Variants in SLC24A2 observed in about 807,000 individuals in gnomAD.
SLC24A2 encodes the protein solute carrier family 24 member 2.
A neutral mutation model predicts 62.0 loss-of-function variants in SLC24A2; 36 were observed. The observed-to-expected ratio is 0.58, with a 90% CI of 0.44 to 0.77. SLC24A2 has a LOEUF of 0.77. Among genes scored for constraint, SLC24A2 ranks in the 30% least tolerant of loss-of-function variants. The probability of loss-of-function intolerance (pLI) is 0.00; values close to 1 mark genes in which losing one functional copy is unlikely to be tolerated. For missense variants in SLC24A2, 846 were observed against 817.9 expected, an observed-to-expected ratio of 1.03 and a Z score of -0.42; for synonymous variants, 358 against 294.0, an observed-to-expected ratio of 1.22 and a Z score of -2.23.
At chr9:19,974,751 A>G in the SLC24A2 span, among the ~76,000 whole-genome samples, 1 of 152,210 alleles carries the variant, frequency 6.6e-6, no homozygotes, top group East Asian at 1.9e-4. Context: ...GAGCACACAT[A>G]TTAACCAGCT....
At chr9:19,989,353 T>C in the SLC24A2 span, among the ~76,000 whole-genome samples, 3 of 152,022 alleles carry the variant, frequency 2.0e-5, no homozygotes, top group Non-Finnish European at 4.4e-5. Context: ...TGAGAATGAG[T>C]CGCTCTTAAC....
At chr9:19,544,976 T>G (rs139200892) in intron 8 of SLC24A2, among the ~76,000 whole-genome samples, 3 of 152,334 alleles carry the variant, frequency 2.0e-5, no homozygotes, top group Middle Eastern at 3.4e-3. Context: ...TTGGCCTGTC[T>G]TGCTAGGTTG....
At chr9:20,177,037 T>C in the SLC24A2 span, among the ~76,000 whole-genome samples, 1 of 152,142 alleles carries the variant, frequency 6.6e-6, no homozygotes, top group Non-Finnish European at 1.5e-5. Flanking sequence ...TTCACAGAAA[T>C]GTCTATTTTA....
intron 7 of SLC24A2, among the ~76,000 whole-genome samples, chr9:19,568,208 C>T (rs756803050): frequency 9.2e-5 from 14 of 152,182 alleles, no homozygotes; most frequent in African/African-American, 1.4e-4. Flanking sequence ...CTGATCATCC[C>T]GCGTTCACAT....
At position 19,533,506 on chromosome 9, in the gene SLC24A2, A is replaced by T. The variant is rs376737987; in HGVS notation, c.1480-5368T>A. The stretch of plus-strand genomic sequence containing the variant: ...GGAAGTGACAGCGTGCAAATTTCAA[A>T]CTAGATCTCAAGAGGGCTTTGTAGC... On this transcript the variant is annotated intron_variant, in intron 8 of 10. Coordinates refer to ENST00000341998, the MANE Select transcript of SLC24A2 (RefSeq NM_020344.4). 2.6e-5 allele frequency among the ~76,000 whole-genome samples: 4 copies of T among 152,324 alleles called. No individual in the cohort carries two copies. In the East Asian group the frequency reaches 5.8e-4, roughly 22 times the overall value.
intron 2 of SLC24A2, among the ~76,000 whole-genome samples, chr9:19,762,225 T>C (rs183969971): frequency 2.6e-5 from 4 of 152,350 alleles, no homozygotes; most frequent in Admixed American, 2.6e-4. Context: ...GTCAGATTAA[T>C]AGATGGCAAA....
At chr9:19,637,417 T>A (rs1261560427) in intron 2 of SLC24A2, among the ~76,000 whole-genome samples, 1 of 152,216 alleles carries the variant, frequency 6.6e-6, no homozygotes, top group Non-Finnish European at 1.5e-5. Flanking sequence ...ACTGTGTTTG[T>A]TCTAACTATT....
At chr9:20,022,759 C>A in the SLC24A2 span, among the ~76,000 whole-genome samples, 2 of 150,486 alleles carry the variant, frequency 1.3e-5, no homozygotes, top group African/African-American at 2.4e-5. Flanking sequence ...CAAACTGAAT[C>A]CTTTGCTATT....
the SLC24A2 span, among the ~76,000 whole-genome samples, chr9:20,002,937 T>A: frequency 6.6e-6 from 1 of 152,298 alleles, no homozygotes; most frequent in East Asian, 1.9e-4. Context: ...CATTCACAAA[T>A]GGCCCCGTGT....
chr9:19,693,249 T>C (rs1434225943), intron 2 of SLC24A2, among the ~76,000 whole-genome samples: 1 of 152,264 alleles, frequency 6.6e-6, no homozygotes, highest in East Asian at 1.9e-4. Context: ...TGTATGTTTA[T>C]TGTGGCACTA....
chr9:20,020,702 C>T, the SLC24A2 span, among the ~76,000 whole-genome samples: 14 of 151,922 alleles, frequency 9.2e-5, no homozygotes, highest in Non-Finnish European at 7.4e-5. Context: ...CACACGTATC[C>T]CAGAACTTAA....
At chr9:20,280,719 G>T in the SLC24A2 span, among the ~76,000 whole-genome samples, 14 of 152,172 alleles carry the variant, frequency 9.2e-5, no homozygotes, top group Admixed American at 5.9e-4. Flanking sequence ...TGGTAACAGG[G>T]TTTTAGAAGA....
chr9:19,731,424 A>G lies in SLC24A2; in HGVS notation c.930+54513T>C, dbSNP rs142097536. Among the ~76,000 whole-genome samples, 61 of 152,264 alleles carry G rather than the reference A, an allele frequency of 4.0e-4. 1 individual carries two copies. In the East Asian group the frequency reaches 5.0e-3, roughly 13 times the overall value. On this transcript the variant is annotated intron_variant, in intron 2 of 10. Coordinates refer to ENST00000341998, the MANE Select transcript of SLC24A2 (RefSeq NM_020344.4). ...TAGTATAAAGAAGTAATTTAAGTTA[A>G]ATACAATCATAAGGGTGGGGCTTTG...
the SLC24A2 span, among the ~76,000 whole-genome samples, chr9:20,267,229 A>C: frequency 1.3e-5 from 2 of 152,356 alleles, no homozygotes; most frequent in South Asian, 4.1e-4. Context: ...TTCTTTAATC[A>C]CAAAGATATT....
the SLC24A2 span, among the ~76,000 whole-genome samples, chr9:19,826,170 T>C: frequency 4.9e-5 from 3 of 60,662 alleles, no homozygotes; most frequent in South Asian, 4.8e-4. Flanking sequence ...GAATGATGCA[T>C]TGCAAAAAAA....
chr9:20,299,677 A>G, the SLC24A2 span, among the ~76,000 whole-genome samples: 189 of 152,290 alleles, frequency 1.2e-3, no homozygotes, highest in Non-Finnish European at 2.3e-3. Flanking sequence ...TACCCCCACT[A>G]CTAGGACCAA....
At chr9:19,529,940 G>T (rs780572629) in intron 8 of SLC24A2, among the ~76,000 whole-genome samples, 9 of 151,624 alleles carry the variant, frequency 5.9e-5, no homozygotes, top group Non-Finnish European at 1.0e-4. Context: ...TTTAGTAGAG[G>T]CAGGGTTTCA....
intron 3 of SLC24A2, 97 bp from the exon 4 acceptor site, chr9:19,619,789 G>T: frequency 2.2e-6 from 2 of 904,940 alleles, no homozygotes; most frequent in Non-Finnish European, 3.7e-6. Flanking sequence ...ACTCATTTCT[G>T]TCGCATGATC....
At chr9:20,012,968 G>A in the SLC24A2 span, among the ~76,000 whole-genome samples, 1 of 151,542 alleles carries the variant, frequency 6.6e-6, no homozygotes, top group Non-Finnish European at 1.5e-5. Context: ...TTGTGAATAT[G>A]TTCATACTAT....
Sources: gnomAD v4.1 joint callset for allele counts (sites outside exome capture counted in the v4.1 genomes callset) on GRCh38, gnomAD v4.1.1 for gene constraint, MANE v1.5 for transcripts, NCBI Gene and HGNC (gene_info 2026-07-23, HGNC 2026-07-21) for gene names.